The following FRMD4A variants were observed in gnomAD, a reference collection of about 807,000 sequenced individuals.
The protein encoded by FRMD4A is FERM domain-containing protein 4A.
Under a neutral mutation model 129.1 loss-of-function variants are expected in FRMD4A, and 29 were observed. The ratio of observed to expected loss-of-function variants is 0.22; its 90% CI spans 0.17 to 0.31. The LOEUF (loss-of-function observed/expected upper bound fraction) is 0.31. Ranked by LOEUF, FRMD4A falls within the 10% of genes least tolerant of loss-of-function variation. The pLI, the probability that FRMD4A is intolerant of heterozygous loss-of-function variation, is 1.00. For synonymous variants in FRMD4A, 634 were observed against 571.6 expected, an observed-to-expected ratio of 1.11 and a Z score of -1.56; for missense variants, 1,272 against 1,375.8, an observed-to-expected ratio of 0.92 and a Z score of 1.19.
intron 2 of FRMD4A, among the ~76,000 whole-genome samples, chr10:14,167,499 T>G (rs139841130): frequency 8.0e-6 from 1 of 124,248 alleles, no homozygotes; most frequent in African/African-American, 3.1e-5. Context: ...ATCATGCCAC[T>G]GCATTCCAGC....
intron 2 of FRMD4A, chr10:13,971,628 G>T (rs1437315416): frequency 8.0e-7 from 1 of 1,247,048 alleles, no homozygotes; most frequent in South Asian, 1.3e-5. Flanking sequence ...ATGCTTCAAA[G>T]AAACGAAAGA....
chr10:13,682,526 A>G, intron 15 of FRMD4A, among the ~76,000 whole-genome samples: 1 of 127,790 alleles, frequency 7.8e-6, no homozygotes, highest in Non-Finnish European at 1.6e-5. Flanking sequence ...TTTGAGACAG[A>G]GTCTCGCTTT....
intron 15 of FRMD4A, chr10:13,684,135 T>C (rs113250008): frequency 3.0e-4 from 48 of 160,168 alleles, no homozygotes; most frequent in African/African-American, 1.1e-3. Flanking sequence ...GAGGAAATGA[T>C]CTACTTGAAT....
chr10:14,087,909 G>C (rs2767287), intron 2 of FRMD4A, among the ~76,000 whole-genome samples: 80,651 of 151,864 alleles, frequency 0.53, 22,619 homozygotes, highest in East Asian at 0.84. Context: ...CTTTTGAAGG[G>C]TCATGTTGCA....
intron 2 of FRMD4A, among the ~76,000 whole-genome samples, chr10:13,945,552 A>C (rs1052230887): frequency 1.1e-4 from 16 of 152,112 alleles, no homozygotes; most frequent in African/African-American, 3.1e-4. Flanking sequence ...TAAATGCTTA[A>C]ATATGTAGTC....
intron 12 of FRMD4A, among the ~76,000 whole-genome samples, chr10:13,726,201 G>A (rs1312140250): frequency 6.6e-6 from 1 of 152,166 alleles, no homozygotes; most frequent in South Asian, 2.1e-4. Flanking sequence ...TTGAGCCCAG[G>A]AGGTCAAGGC....
At chr10:14,047,758 T>TG (rs1834050060) in intron 2 of FRMD4A, among the ~76,000 whole-genome samples, 1 of 152,212 alleles carries the variant, frequency 6.6e-6, no homozygotes, top group African/African-American at 2.4e-5. Flanking sequence ...TATGGGAGAA[T>TG]GGAACCCTTT....
intron 2 of FRMD4A, among the ~76,000 whole-genome samples, chr10:14,295,939 G>A (rs1427890695): frequency 1.3e-5 from 2 of 152,050 alleles, no homozygotes; most frequent in African/African-American, 2.4e-5. Context: ...GATCTTTTTC[G>A]AAATGCCATG....
chr10:14,062,242 GTTTA>G (rs1042413158), intron 2 of FRMD4A, among the ~76,000 whole-genome samples: 1 of 152,176 alleles, frequency 6.6e-6, no homozygotes, highest in African/African-American at 2.4e-5. Context: ...AGACAGAAAT[GTTTA>G]TTTGAGGTCT....
chr10:14,287,661 T>A (rs1239480042), intron 2 of FRMD4A, among the ~76,000 whole-genome samples: 1 of 152,118 alleles, frequency 6.6e-6, no homozygotes, highest in African/African-American at 2.4e-5. Context: ...AATATTTCTC[T>A]TTTCACTAGT....
At chr10:14,202,976 T>G (rs1842683524) in intron 2 of FRMD4A, among the ~76,000 whole-genome samples, 1 of 152,086 alleles carries the variant, frequency 6.6e-6, no homozygotes, top group African/African-American at 2.4e-5. Flanking sequence ...TTTTTCCATG[T>G]TGCCTAGGGT....
Position 13,644,376 on chromosome 10 carries a change from A to G in FRMD4A, c.*2662T>C, listed in dbSNP as rs141058753. 6.6e-6 allele frequency: 1 copy of G among 152,368 alleles called. No individual in the cohort carries two copies. The highest frequency in any genetic ancestry group is 1.5e-5 in the Non-Finnish European group (1 of 68,032). The allele number at this position is 152,368 out of a possible 1,614,324, so 9.4% of individuals were successfully genotyped here. A position where few individuals can be genotyped will look rare whatever the true frequency, so the allele number is the denominator to read the frequency against. Reference sequence around the variant, plus strand: ...TTTCCCACCACACTGATCATTAATCATGTCAGTCTCAAAGGACTAACGTTT... The same window carrying G: ...TTTCCCACCACACTGATCATTAATCGTGTCAGTCTCAAAGGACTAACGTTT... On this transcript the variant is annotated 3_prime_UTR_variant, in exon 25 of 25. Transcript: ENST00000357447.
chr10:14,220,812 T>TTGTGTGTTTG (rs1554788050), intron 2 of FRMD4A, among the ~76,000 whole-genome samples: 1 of 45,356 alleles, frequency 2.2e-5, no homozygotes, highest in African/African-American at 4.3e-5. Flanking sequence ...GTGTGTGTGT[T>TTGTGTGTTTG]TGTGTGTGTG....
At chr10:13,654,628 G>T in intron 22 of FRMD4A, 116 bp from the exon 23 acceptor site, 1 of 670,828 alleles carries the variant, frequency 1.5e-6, no homozygotes, top group Non-Finnish European at 2.6e-6. Context: ...CATTTCCAGG[G>T]ATGCTGGGAA....
intron 2 of FRMD4A, among the ~76,000 whole-genome samples, chr10:14,279,347 T>C (rs1319315074): frequency 6.6e-6 from 1 of 151,884 alleles, no homozygotes; most frequent in Non-Finnish European, 1.5e-5. Context: ...CCACCATATT[T>C]GGCAAATTTA....
At chr10:13,711,691 T>C (rs2088037661) in intron 12 of FRMD4A, among the ~76,000 whole-genome samples, 1 of 152,266 alleles carries the variant, frequency 6.6e-6, no homozygotes, top group African/African-American at 2.4e-5. Flanking sequence ...AAGGGGTTTC[T>C]AGTGCACGTC....
intron 2 of FRMD4A, among the ~76,000 whole-genome samples, chr10:14,238,952 G>A (rs981446391): frequency 3.9e-5 from 6 of 152,128 alleles, no homozygotes; most frequent in African/African-American, 1.4e-4. Context: ...ATTTTGGTTG[G>A]TTCCAAGTCT....
At chr10:14,231,560 A>T (rs1359960114) in intron 2 of FRMD4A, among the ~76,000 whole-genome samples, 3 of 152,020 alleles carry the variant, frequency 2.0e-5, no homozygotes, top group Non-Finnish European at 4.4e-5. Context: ...GTTAGCCAGG[A>T]TGGTCTCGAT....
rs573493948 is a variant in FRMD4A, at chr10:13,972,092, C to A, written c.46-113180G>T. On this transcript the variant is annotated intron_variant, in intron 2 of 24. Transcript: ENST00000357447. ...CACCAGGGACAAGGTAAAAATAAACCTCAGTGTGCAGATAACGGCACATCC... is the reference window on the plus strand; with the variant it reads ...CACCAGGGACAAGGTAAAAATAAACATCAGTGTGCAGATAACGGCACATCC... 20 of 1,120,328 alleles carry A rather than the reference C, an allele frequency of 1.8e-5. No individual in the cohort carries two copies. The South Asian group carries it at 4.1e-4, about 23-fold the overall frequency. 69.4% of individuals were successfully genotyped at this position (1,120,328 alleles called of 1,614,324 possible). A position where few individuals can be genotyped will look rare whatever the true frequency, so the allele number is the denominator to read the frequency against.
Sources: allele counts gnomAD v4.1 joint callset (sites outside exome capture counted in the v4.1 genomes callset), GRCh38; gene constraint gnomAD v4.1.1; transcripts MANE v1.5; gene names NCBI Gene and HGNC (gene_info 2026-07-23, HGNC 2026-07-21).